PAK5: variants seen among roughly 807,000 people sequenced by gnomAD.
The protein encoded by PAK5 is p21 (RAC1) activated kinase 5.
A neutral mutation model predicts 65.9 loss-of-function variants in PAK5; 16 were observed. That is an observed-to-expected ratio of 0.24 (90% CI 0.16 to 0.37). The LOEUF is 0.37. Ranked by LOEUF, PAK5 falls within the 10% of genes least tolerant of loss-of-function variation. The pLI, the probability that PAK5 is intolerant of heterozygous loss-of-function variation, is 1.00. For missense variants in PAK5, 785 were observed against 903.9 expected (o/e 0.87, Z 1.69); for synonymous variants, 371 against 354.9 (o/e 1.05, Z -0.51).
chr20:9,728,791 T>C (rs931693048), intron 1 of PAK5, among the ~76,000 whole-genome samples: 1 of 152,134 alleles, frequency 6.6e-6, no homozygotes, highest in South Asian at 2.1e-4. Context: ...TAAAGTTTTA[T>C]TGGAACACAG....
At chr20:9,824,709 C>T (rs2049463810) in intron 1 of PAK5, among the ~76,000 whole-genome samples, 1 of 152,098 alleles carries the variant, frequency 6.6e-6, no homozygotes, top group Non-Finnish European at 1.5e-5. Context: ...CCCTTCACTG[C>T]CACCCATCAC....
chr20:9,567,144 T>C (rs1336432796), intron 4 of PAK5, among the ~76,000 whole-genome samples: 1 of 152,166 alleles, frequency 6.6e-6, no homozygotes. Context: ...ATGGTAAAGA[T>C]ACCACATCTT....
intron 2 of PAK5, among the ~76,000 whole-genome samples, chr20:9,680,247 T>C (rs769519714): frequency 6.6e-6 from 1 of 152,186 alleles, no homozygotes; most frequent in East Asian, 1.9e-4. Flanking sequence ...GATGGATCAC[T>C]GTAATTTAGT....
At chr20:9,752,524 T>A (rs187100753) in intron 1 of PAK5, among the ~76,000 whole-genome samples, 201 of 152,144 alleles carry the variant, frequency 1.3e-3, no homozygotes, top group Admixed American at 1.7e-3. Context: ...AGAGGTAGAT[T>A]TAACGATATG....
intron 3 of PAK5, among the ~76,000 whole-genome samples, chr20:9,602,297 A>G (rs113602679): frequency 2.2e-4 from 17 of 78,682 alleles, no homozygotes; most frequent in African/African-American, 5.8e-4. Flanking sequence ...CTCAAAAATA[A>G]ATAAATAAAT....
intron 7 of PAK5, among the ~76,000 whole-genome samples, chr20:9,547,221 T>G (rs889808453): frequency 6.6e-6 from 1 of 152,138 alleles, no homozygotes; most frequent in African/African-American, 2.4e-5. Flanking sequence ...TATATAAAAC[T>G]TCTCCCTCAG....
At chr20:9,742,459 T>C (rs2048460646) in intron 1 of PAK5, among the ~76,000 whole-genome samples, 1 of 152,202 alleles carries the variant, frequency 6.6e-6, no homozygotes, top group African/African-American at 2.4e-5. Context: ...TAAAAGCATC[T>C]AAATATCCTA....
chr20:9,578,638 T>C (rs1027872120), intron 4 of PAK5, among the ~76,000 whole-genome samples: 2 of 152,226 alleles, frequency 1.3e-5, no homozygotes, highest in Admixed American at 1.3e-4. Flanking sequence ...AATTCAGCTA[T>C]AGAACATGTT....
At position 9,670,324 on chromosome 20, in the gene PAK5, C is replaced by T. The variant is rs904877296; in HGVS notation, c.-11-25985G>A. ...GCTGGGTCAAATGGTATTTCTAGTT[C>T]TAGATCCCTGAGGAATCGCCACACT... On this transcript the variant is annotated intron_variant, in intron 2 of 9. Transcript: ENST00000353224. Among the ~76,000 whole-genome samples the T allele has an allele frequency of 2.4e-4, 36 of 152,198 alleles. No homozygotes were observed. The East Asian group carries it at 3.7e-3, about 16-fold the overall frequency.
chr20:9,760,838 A>AT (rs1354698958), intron 1 of PAK5, among the ~76,000 whole-genome samples: 3 of 151,572 alleles, frequency 2.0e-5, no homozygotes, highest in Non-Finnish European at 2.9e-5. Flanking sequence ...TGCTCAGCTA[A>AT]TTTTTTTGTA....
chr20:9,789,997 C>T (rs1184371317), intron 1 of PAK5, among the ~76,000 whole-genome samples: 1 of 152,112 alleles, frequency 6.6e-6, no homozygotes, highest in Non-Finnish European at 1.5e-5. Flanking sequence ...TGAGCAAATG[C>T]TTGAAGACAT....
At chr20:9,723,942 G>C (rs2048246237) in intron 1 of PAK5, among the ~76,000 whole-genome samples, 1 of 152,164 alleles carries the variant, frequency 6.6e-6, no homozygotes, top group Non-Finnish European at 1.5e-5. Flanking sequence ...TGGCAATAGA[G>C]ACCTGACTCA....
At chr20:9,665,935 C>A (rs1323527207) in intron 2 of PAK5, among the ~76,000 whole-genome samples, 3 of 151,950 alleles carry the variant, frequency 2.0e-5, no homozygotes, top group Non-Finnish European at 4.4e-5. Flanking sequence ...TTTACTGGAC[C>A]CCTGGGTTAT....
chr20:9,677,598 A>G (rs974326180), intron 2 of PAK5, among the ~76,000 whole-genome samples: 1 of 152,216 alleles, frequency 6.6e-6, no homozygotes, highest in African/African-American at 2.4e-5. Context: ...AACATCAGCC[A>G]ATTTCTCACC....
At chr20:9,732,108 G>C (rs763746946) in intron 1 of PAK5, among the ~76,000 whole-genome samples, 1 of 152,074 alleles carries the variant, frequency 6.6e-6, no homozygotes, top group African/African-American at 2.4e-5. Flanking sequence ...CAGAGGTCAG[G>C]TGGCATGTCA....
At chr20:9,745,687 T>C (rs1448970490) in intron 1 of PAK5, among the ~76,000 whole-genome samples, 2 of 152,106 alleles carry the variant, frequency 1.3e-5, no homozygotes, top group Non-Finnish European at 2.9e-5. Flanking sequence ...AGGTCTGGGG[T>C]AGGACCCAAA....
intron 1 of PAK5, among the ~76,000 whole-genome samples, chr20:9,819,523 T>C (rs1600408386): frequency 1.3e-5 from 2 of 152,216 alleles, no homozygotes; most frequent in Non-Finnish European, 2.9e-5. Flanking sequence ...TATAATTATA[T>C]TGCTCAATTT....
intron 2 of PAK5, among the ~76,000 whole-genome samples, chr20:9,648,773 T>C (rs777363908): frequency 6.6e-6 from 1 of 152,206 alleles, no homozygotes; most frequent in African/African-American, 2.4e-5. Flanking sequence ...GTGAGAGCAA[T>C]GTATGGCTGC....
chr20:9,800,874 C>T (rs954090286), intron 1 of PAK5, among the ~76,000 whole-genome samples: 4 of 151,796 alleles, frequency 2.6e-5, no homozygotes, highest in African/African-American at 7.3e-5. Context: ...CAGCTCCAGA[C>T]GGACAGACAC....
Sources: gnomAD v4.1 joint callset for allele counts (sites outside exome capture counted in the v4.1 genomes callset) on GRCh38, gnomAD v4.1.1 for gene constraint, MANE v1.5 for transcripts, NCBI Gene and HGNC (gene_info 2026-07-23, HGNC 2026-07-21) for gene names.